Variants in GMIP observed in about 807,000 individuals in gnomAD.
The protein encoded by GMIP is GEM interacting protein.
Under a neutral mutation model 105.3 loss-of-function variants are expected in GMIP, and 54 were observed. The ratio of observed to expected loss-of-function variants is 0.51; its 90% CI spans 0.41 to 0.64. The LOEUF is 0.64. GMIP is among the 30% of genes least tolerant of loss of function. The pLI is 0.00. For synonymous variants in GMIP, 541 were observed against 560.8 expected, an observed-to-expected ratio of 0.96 and a Z score of 0.50; for missense variants, 1,110 against 1,319.4, an observed-to-expected ratio of 0.84 and a Z score of 2.46.
chr19:19,639,087 AAAAT>A (rs1368810868), intron 7 of GMIP, among the ~76,000 whole-genome samples: 1 of 151,846 alleles, frequency 6.6e-6, no homozygotes, highest in Non-Finnish European at 1.5e-5. Context: ...CTCAAAAAAA[AAAAT>A]AAATAAATAA....
intron 7 of GMIP, among the ~76,000 whole-genome samples, chr19:19,639,733 C>T (rs2061898309): frequency 6.6e-6 from 1 of 152,096 alleles, no homozygotes; most frequent in Admixed American, 6.6e-5. Flanking sequence ...CCTGTAATCC[C>T]AGCTACTCAG....
chr19:19,631,215 G>A (rs755193177), intron 19 of GMIP, among the ~76,000 whole-genome samples: 1 of 151,734 alleles, frequency 6.6e-6, no homozygotes, highest in Non-Finnish European at 1.5e-5. Flanking sequence ...ATAATAATAA[G>A]TGTACTGCTT....
In GMIP at chr19:19,637,567, G is replaced by C; in HGVS notation, c.928-6C>G. On this transcript the variant is annotated splice_polypyrimidine_tract_variant and splice_region_variant and intron_variant, in intron 10 of 20. Coordinates refer to ENST00000203556, the MANE Select transcript of GMIP (RefSeq NM_016573.4). The surrounding 1 kb of genome is among the most constrained non-coding windows in gnomAD (Gnocchi z 6.7). Reference sequence around the variant, plus strand: ...CCGAAGAGACTCAGCGTCACCTGCCGGGTGGAGACAGCAGGTTGGGGAGGG... The same window carrying C: ...CCGAAGAGACTCAGCGTCACCTGCCCGGTGGAGACAGCAGGTTGGGGAGGG... 6.6e-7 allele frequency: 1 copy of C among 1,515,546 alleles called. No homozygotes were observed. Among genetic ancestry groups the C allele is most frequent in the African/African-American group, 1.4e-5 (1 of 71,420 alleles). The allele number at this position is 1,515,546 out of a possible 1,614,324, so 93.9% of individuals were successfully genotyped here. A position where few individuals can be genotyped will look rare whatever the true frequency, so the allele number is the denominator to read the frequency against.
At position 19,637,920 on chromosome 19, in the gene GMIP, C is replaced by T; in HGVS notation, c.927G>A (p.Arg309=). The T allele has an allele frequency of 6.3e-7, 1 of 1,597,438 alleles. No homozygotes were observed. Among genetic ancestry groups the T allele is most frequent in the South Asian group, 1.1e-5 (1 of 88,434 alleles). ...LVFQGDEVLR[R]VTLSLFGLRG... is the part of the protein sequence containing the mutation. Reference sequence around the variant, plus strand: ...GGATGGCCTTGGGGATGGGCCTCACCCGCCTCAGCACTTCATCCCCCTGAA... The same window carrying T: ...GGATGGCCTTGGGGATGGGCCTCACTCGCCTCAGCACTTCATCCCCCTGAA... Residue 309 remains arginine, a splice_region_variant and synonymous_variant, in exon 10 of 21, where the codon CGG becomes CGA. Coordinates refer to ENST00000203556, the MANE Select transcript of GMIP (RefSeq NM_016573.4). The surrounding 1 kb of genome is among the most constrained non-coding windows in gnomAD (Gnocchi z 6.7).
rs1425566039 is a variant in GMIP at position 19,630,948 on chromosome 19, C to T, written c.2473-411G>A. Reference sequence around the variant, plus strand: ...AGGCATGGTGGTGCATGCCTGTAATCCCAGCACTTTGGGAGGCTGAGGTTG... The same window carrying T: ...AGGCATGGTGGTGCATGCCTGTAATTCCAGCACTTTGGGAGGCTGAGGTTG... On this transcript the variant is annotated intron_variant, in intron 19 of 20. Transcript: ENST00000203556. This position sits in a 1 kb window ranked among gnomAD's most constrained non-coding sequence, Gnocchi z 4.8. 1.3e-5 allele frequency among the ~76,000 whole-genome samples: 2 copies of T among 152,092 alleles called. No individual in the cohort carries two copies. Among genetic ancestry groups the T allele is most frequent in the African/African-American group, 4.8e-5 (2 of 41,396 alleles).
intron 4 of GMIP, among the ~76,000 whole-genome samples, chr19:19,641,059 G>A (rs969602903): frequency 6.6e-6 from 1 of 151,946 alleles, no homozygotes; most frequent in Admixed American, 6.6e-5. Context: ...GAGCCACCGT[G>A]CCCGGCCTGT....
chr19:19,642,751 C>T lies in GMIP; in HGVS notation c.20-132G>A, dbSNP rs184414671. 1,632 of 508,244 alleles carry T rather than the reference C, an allele frequency of 3.2e-3. 12 individuals carry two copies. Among genetic ancestry groups the T allele is most frequent in the Non-Finnish European group, 3.9e-3 (1,091 of 277,710 alleles). The allele number at this position is 508,244 out of a possible 1,614,324, so 31.5% of individuals were successfully genotyped here. On this transcript the variant is annotated intron_variant, in intron 1 of 20. Transcript: ENST00000203556. ...GAGAGAAAGAGAGGGCTGGGGGGGG[C>T]TTGGTTGGGGCCAACTCGAGGCAGG... is the stretch of plus-strand genomic sequence containing the variant.
At chr19:19,633,088 T>G (rs2061813063) in intron 19 of GMIP, among the ~76,000 whole-genome samples, 1 of 151,330 alleles carries the variant, frequency 6.6e-6, no homozygotes, top group African/African-American at 2.4e-5. Flanking sequence ...AAACAAAGTC[T>G]TGCTCTATTG....
rs745379018 is a variant in GMIP, at chr19:19,634,692, G to A, written c.1899C>T (p.Pro633=). Residue 633 remains proline, a synonymous_variant, in exon 18 of 21, where the codon CCC becomes CCT. Coordinates refer to ENST00000203556, the MANE Select transcript of GMIP (RefSeq NM_016573.4). This position sits in a 1 kb window ranked among gnomAD's most constrained non-coding sequence, Gnocchi z 6.1. ...LKRFLQELTE[P]VIPFHLYDAF... ...CGTCGTAGAGGTGGAAGGGGATCAC[G>A]GGCTCGGTGAGCTGGGGGTGGAACG... The A allele has an allele frequency of 8.7e-6, 14 of 1,608,890 alleles. No individual in the cohort carries two copies. The highest frequency in any genetic ancestry group is 5.5e-5 in the South Asian group (5 of 91,006).
In GMIP at chr19:19,638,435, G is replaced by C. The variant is rs1156618161; in HGVS notation, c.585C>G (p.Phe195Leu). 1 of 1,614,086 alleles carries C rather than the reference G, an allele frequency of 6.2e-7. No individual in the cohort carries two copies. Among genetic ancestry groups the C allele is most frequent in the South Asian group, 1.1e-5 (1 of 91,068 alleles). Residue 195 changes from phenylalanine to leucine, a missense_variant, in exon 8 of 21, where the codon TTC (phenylalanine) becomes TTG (leucine). Phe to Leu is a conservative substitution (Grantham distance 22). Around this residue, in one of 3 missense-constraint regions of GMIP, gnomAD observed 667 missense variants for 773.2 expected, o/e 0.86. Transcript: ENST00000203556. Reference protein sequence around the residue: ...RTEIEKWRKEFKEQWMKEQKR... With the variant: ...RTEIEKWRKELKEQWMKEQKR... ...TCTGCTCCTTCATCCACTGCTCCTT[G>C]AACTCCTTCCGCCACTTCTCAATCT...
chr19:19,640,417 A>G (rs2061906181), intron 5 of GMIP, 29 bp downstream of exon 5: 1 of 1,613,990 alleles, frequency 6.2e-7, no homozygotes, highest in African/African-American at 1.3e-5. Context: ...ACTGCCTGGT[A>G]ACTGGGGCTG....
chr19:19,632,770 G>A (rs1053345572), intron 19 of GMIP, among the ~76,000 whole-genome samples: 1 of 152,126 alleles, frequency 6.6e-6, no homozygotes, highest in African/African-American at 2.4e-5. Flanking sequence ...AGCCACCTGG[G>A]CCCACTCCTC....
chr19:19,635,539 C>G lies in GMIP; in HGVS notation c.1436G>C (p.Gly479Ala). The G allele has an allele frequency of 6.2e-7, 1 of 1,613,708 alleles. No homozygotes were observed. Among genetic ancestry groups the G allele is most frequent in the Non-Finnish European group, 8.5e-7 (1 of 1,179,930 alleles). ...CAGTGTCCACTTCCCGAAGGGGCTG[C>G]CCAGCCCATTCTCCAGCCCGTCTCC... ...DLGDGLENGLGSPFGKWTLSS... is the reference protein window; with the variant it reads ...DLGDGLENGLASPFGKWTLSS... Residue 479 changes from glycine to alanine, a missense_variant, in exon 15 of 21, where the codon GGC becomes GCC. Around this residue, in one of 3 missense-constraint regions of GMIP, gnomAD observed 667 missense variants for 773.2 expected, o/e 0.86. Transcript: ENST00000203556. This position sits in a 1 kb window ranked among gnomAD's most constrained non-coding sequence, Gnocchi z 4.7.
At chr19:19,639,666 T>C (rs2061897243) in intron 7 of GMIP, among the ~76,000 whole-genome samples, 1 of 151,766 alleles carries the variant, frequency 6.6e-6, no homozygotes, top group Non-Finnish European at 1.5e-5. Context: ...CTGGCCAACA[T>C]GGTGAAACCC....
In GMIP at chr19:19,634,302, G is replaced by A. The variant is rs1052750501; in HGVS notation, c.2085-112C>T. On this transcript the variant is annotated intron_variant, in intron 18 of 20. Coordinates refer to ENST00000203556, the MANE Select transcript of GMIP (RefSeq NM_016573.4). This position sits in a 1 kb window ranked among gnomAD's most constrained non-coding sequence, Gnocchi z 6.1. ...GAGGTGACTTGCCCATGTCACAGGT[G>A]TAAGTCGTCTGAGACCAGCAGCCAC... 9.9e-6 allele frequency: 12 copies of A among 1,213,340 alleles called. No individual in the cohort carries two copies. In the South Asian group the frequency reaches 1.4e-4, roughly 14 times the overall value. The allele number at this position is 1,213,340 out of a possible 1,614,324, so 75.2% of individuals were successfully genotyped here.
At chr19:19,636,244 C>T (rs889890072) in intron 13 of GMIP, among the ~76,000 whole-genome samples, 4 of 151,300 alleles carry the variant, frequency 2.6e-5, no homozygotes, top group Non-Finnish European at 4.4e-5. Flanking sequence ...AAGAAAAGGC[C>T]GGGCGTGGTG....
rs1360376843 is a variant in GMIP at position 19,629,814 on chromosome 19, TTAAA to T, written c.*145_*148del. 2.7e-6 allele frequency: 2 copies of T among 746,376 alleles called. No homozygotes were observed. The highest frequency in any genetic ancestry group is 3.7e-5 in the South Asian group (2 of 53,410). 46.2% of individuals were successfully genotyped at this position (746,376 alleles called of 1,614,324 possible). On this transcript the variant is annotated 3_prime_UTR_variant, in exon 21 of 21. Coordinates refer to ENST00000203556, the MANE Select transcript of GMIP (RefSeq NM_016573.4). ...TTTTAGGCCTCCCCTAGGTCATGTA[TTAAA>T]TAGTTTTTCCTTATAGGAACCCTCT...
rs753884685 is a variant in GMIP, at chr19:19,630,270, G to A, written c.2606C>T (p.Pro869Leu). The A allele has an allele frequency of 1.3e-6, 2 of 1,552,562 alleles. No individual in the cohort carries two copies. The highest frequency in any genetic ancestry group is 1.7e-6 in the Non-Finnish European group (2 of 1,147,886). ...TQSRGHFSRQ[P>L]VKYPRGGVRP... ...CACACCGCCCCGGGGATACTTCACT[G>A]GCTGGCGGCTGAAGTGGCCACGAGA... The change falls in exon 21 of 21, where the codon CCA becomes CTA. Residue 869 changes from proline (P) to leucine (L), a missense_variant. Physicochemically the swap from Pro to Leu is moderately conservative, Grantham distance 98 (BLOSUM62 -3). Coordinates refer to ENST00000203556, the MANE Select transcript of GMIP (RefSeq NM_016573.4). This position sits in a 1 kb window ranked among gnomAD's most constrained non-coding sequence, Gnocchi z 4.8.
intron 19 of GMIP, 43 bp downstream of exon 19, chr19:19,633,760 A>C: frequency 7.5e-7 from 1 of 1,329,152 alleles, no homozygotes; most frequent in Non-Finnish European, 9.8e-7. Context: ...AATTGAACAG[A>C]GATAAGGCCC....
Sources: gnomAD v4.1 joint callset for allele counts (sites outside exome capture counted in the v4.1 genomes callset) on GRCh38, gnomAD v4.1.1 for gene constraint, gnomAD v4.1.1 regional missense constraint, Gnocchi (gnomAD v3.1) non-coding constraint, MANE v1.5 for transcripts, NCBI Gene and HGNC (gene_info 2026-07-23, HGNC 2026-07-21) for gene names.